Variants in TPRG1 observed in about 807,000 individuals in gnomAD.
TPRG1 encodes tumor protein p63-regulated gene 1 protein.
Under a neutral mutation model 29.3 loss-of-function variants are expected in TPRG1, and 29 were observed. That is an observed-to-expected ratio of 0.99 (90% CI 0.74 to 1.35). The LOEUF (loss-of-function observed/expected upper bound fraction) is 1.35, where lower values mean the gene tolerates loss of function less well. Ranked by LOEUF, TPRG1 falls within the 40% of genes most tolerant of loss-of-function variation. The pLI is 0.00. For synonymous variants in TPRG1, 130 were observed against 116.8 expected (o/e 1.11, Z -0.73); for missense variants, 327 against 335.0 (o/e 0.98, Z 0.19).
At chr3:189,156,783 A>G (rs925933277) in intron 5 of TPRG1, among the ~76,000 whole-genome samples, 1 of 152,184 alleles carries the variant, frequency 6.6e-6, no homozygotes, top group Non-Finnish European at 1.5e-5. Flanking sequence ...ACAGAGCTCA[A>G]TGAAATTAGA....
At chr3:189,038,493 T>C (rs1025945151) in intron 4 of TPRG1, among the ~76,000 whole-genome samples, 9 of 152,076 alleles carry the variant, frequency 5.9e-5, no homozygotes, top group Admixed American at 1.3e-4. Flanking sequence ...AATTAAACAT[T>C]AGTATGTAAA....
chr3:189,215,552 A>G (rs1735941548), intron 3 of TPRG1, among the ~76,000 whole-genome samples, 169 bp downstream of exon 3: 1 of 152,164 alleles, frequency 6.6e-6, no homozygotes, highest in African/African-American at 2.4e-5. Context: ...GGCTGATGAT[A>G]TGACCAGATA....
chr3:189,224,254 G>C (rs1208087267), intron 3 of TPRG1, among the ~76,000 whole-genome samples: 4 of 152,196 alleles, frequency 2.6e-5, no homozygotes, highest in Non-Finnish European at 5.9e-5. Context: ...AGGCGAAAGC[G>C]GGTGGATCAC....
chr3:189,206,866 G>A (rs1187798270), intron 1 of TPRG1, among the ~76,000 whole-genome samples: 7 of 144,484 alleles, frequency 4.8e-5, no homozygotes, highest in Admixed American at 4.7e-4. Context: ...TGAGTCTTTG[G>A]GTATTCGTCT....
chr3:189,289,404 G>GT (rs112538700), intron 4 of TPRG1, among the ~76,000 whole-genome samples: 14,090 of 141,786 alleles, frequency 0.099, 823 homozygotes, highest in East Asian at 0.21. Flanking sequence ...TACTTTGGGT[G>GT]TTTTTTTTTT....
intron 3 of TPRG1, among the ~76,000 whole-genome samples, chr3:189,218,847 T>C (rs1560567885): frequency 6.6e-6 from 1 of 152,194 alleles, no homozygotes; most frequent in Non-Finnish European, 1.5e-5. Context: ...GCTCAGTCTT[T>C]AGTCATATTT....
At chr3:189,111,780 T>C (rs1720558471) in intron 1 of TPRG1, among the ~76,000 whole-genome samples, 1 of 152,190 alleles carries the variant, frequency 6.6e-6, no homozygotes, top group African/African-American at 2.4e-5. Context: ...TTTTCTCTTT[T>C]GGCAATCATG....
At chr3:189,214,794 G>A (rs1735777112) in intron 2 of TPRG1, among the ~76,000 whole-genome samples, 1 of 151,996 alleles carries the variant, frequency 6.6e-6, no homozygotes, top group South Asian at 2.1e-4. Context: ...GCTAAGGTTG[G>A]GCCTATAAGT....
At position 189,319,960 on chromosome 3, in the gene TPRG1, T is replaced by C. The variant is rs1724115183; in HGVS notation, c.634-666T>C. The stretch of plus-strand genomic sequence containing the variant: ...TCACGTAACTAGCTCTTTTTCATTG[T>C]ATGGGTCTCAGTTGAAGTTTTACCT... On this transcript the variant is annotated intron_variant, in intron 5 of 5. Transcript: ENST00000345063. 1.3e-5 allele frequency among the ~76,000 whole-genome samples: 2 copies of C among 152,098 alleles called. 1 individual carries two copies. Among genetic ancestry groups the C allele is most frequent in the Middle Eastern group, 6.3e-3 (2 of 316 alleles).
rs535256441 is a variant in TPRG1, at chr3:189,321,085, C to T, written c.*265C>T. On this transcript the variant is annotated 3_prime_UTR_variant, in exon 6 of 6. Transcript: ENST00000345063. ...TCAAATACTGTTATCAAATGAGTGCCTGATCATCAACTCAGGAAAGAAGAC... is the reference window on the plus strand; with the variant it reads ...TCAAATACTGTTATCAAATGAGTGCTTGATCATCAACTCAGGAAAGAAGAC... The T allele has an allele frequency of 3.5e-6, 1 of 286,212 alleles. No homozygotes were observed. The highest frequency in any genetic ancestry group is 5.8e-5 in the East Asian group (1 of 17,322). 17.7% of individuals were successfully genotyped at this position (286,212 alleles called of 1,614,324 possible).
chr3:189,128,105 A>G (rs2108523757), intron 2 of TPRG1, among the ~76,000 whole-genome samples: 1 of 152,348 alleles, frequency 6.6e-6, no homozygotes, highest in East Asian at 1.9e-4. Context: ...AAGTAAAAAT[A>G]ACTTAAAAAT....
At position 189,323,268 on chromosome 3, in the gene TPRG1, T is replaced by A. The variant is rs571433573; in HGVS notation, c.*2448T>A. 6.6e-6 allele frequency: 1 copy of A among 152,236 alleles called. No homozygotes were observed. Among genetic ancestry groups the A allele is most frequent in the South Asian group, 2.1e-4 (1 of 4,826 alleles). 9.4% of individuals were successfully genotyped at this position (152,236 alleles called of 1,614,324 possible). A position where few individuals can be genotyped will look rare whatever the true frequency, so the allele number is the denominator to read the frequency against. The stretch of plus-strand genomic sequence containing the variant: ...GACCCTATCATTTTCCAAATAATTG[T>A]TGCTAGTACTTAGTTAATTAGACCC... On this transcript the variant is annotated 3_prime_UTR_variant, in exon 6 of 6. Coordinates refer to ENST00000345063, the MANE Select transcript of TPRG1 (RefSeq NM_198485.4).
intron 4 of TPRG1, among the ~76,000 whole-genome samples, chr3:189,291,872 A>G (rs937946596): frequency 1.3e-5 from 2 of 152,204 alleles, no homozygotes; most frequent in African/African-American, 4.8e-5. Context: ...AGAGTCACAT[A>G]GAAAGTTGGT....
chr3:189,244,825 A>G (rs1741143467), intron 4 of TPRG1, among the ~76,000 whole-genome samples: 1 of 152,190 alleles, frequency 6.6e-6, no homozygotes, highest in Non-Finnish European at 1.5e-5. Context: ...GTTGATGATC[A>G]TACCAATTCT....
chr3:189,288,614 C>G (rs1718476384), intron 4 of TPRG1, among the ~76,000 whole-genome samples: 1 of 152,234 alleles, frequency 6.6e-6, no homozygotes, highest in South Asian at 2.1e-4. Context: ...CCAATGTCCC[C>G]TTTTGCTTTT....
intron 4 of TPRG1, among the ~76,000 whole-genome samples, chr3:189,024,796 G>A (rs1713569898): frequency 6.6e-6 from 1 of 152,206 alleles, no homozygotes; most frequent in African/African-American, 2.4e-5. Flanking sequence ...TCTTAAGGAA[G>A]CAGTCTGGCC....
At chr3:189,044,789 C>G (rs1714866948) in intron 4 of TPRG1, among the ~76,000 whole-genome samples, 1 of 152,054 alleles carries the variant, frequency 6.6e-6, no homozygotes, top group Non-Finnish European at 1.5e-5. Flanking sequence ...AATTTTTGGA[C>G]TTTTATATAA....
intron 3 of TPRG1, among the ~76,000 whole-genome samples, chr3:189,218,290 T>TC (rs1454508796): frequency 6.6e-6 from 1 of 152,046 alleles, no homozygotes; most frequent in Non-Finnish European, 1.5e-5. Context: ...ATTTTTTGTT[T>TC]TTTTTTTAGT....
At chr3:189,277,190 C>T (rs182109359) in intron 4 of TPRG1, among the ~76,000 whole-genome samples, 8 of 152,258 alleles carry the variant, frequency 5.3e-5, no homozygotes, top group African/African-American at 1.9e-4. Flanking sequence ...CCCTACAATC[C>T]CCAGCCCTCC....
Sources: gnomAD v4.1 joint callset for allele counts (sites outside exome capture counted in the v4.1 genomes callset) on GRCh38, gnomAD v4.1.1 for gene constraint, MANE v1.5 for transcripts, NCBI Gene and HGNC (gene_info 2026-07-23, HGNC 2026-07-21) for gene names.